The following LIPA variants were observed in gnomAD, a reference collection of about 807,000 sequenced individuals.
LIPA encodes lipase A, lysosomal acid type, also known as lysosomal acid lipase/cholesteryl ester hydrolase.
A neutral mutation model predicts 40.6 loss-of-function variants in LIPA; 26 were observed. That is an observed-to-expected ratio of 0.64 (90% CI 0.47 to 0.89). The LOEUF (loss-of-function observed/expected upper bound fraction) is 0.89, where lower values mean the gene tolerates loss of function less well. Ranked by LOEUF, LIPA falls within the 40% of genes least tolerant of loss-of-function variation. The pLI is 0.00. For missense variants in LIPA, 455 were observed against 479.6 expected (o/e 0.95, Z 0.48); for synonymous variants, 188 against 168.4 (o/e 1.12, Z -0.90).
At chr10:89,227,675 G>C (rs1463821590) in intron 4 of LIPA, among the ~76,000 whole-genome samples, 1 of 152,204 alleles carries the variant, frequency 6.6e-6, no homozygotes, top group Non-Finnish European at 1.5e-5. Context: ...CAAGGTGCCA[G>C]GTTCTGTGGA....
chr10:89,312,002 C>T (rs578133662), intron 1 of LIPA, among the ~76,000 whole-genome samples: 1 of 152,336 alleles, frequency 6.6e-6, no homozygotes, highest in South Asian at 2.1e-4. Flanking sequence ...CCCACCATCT[C>T]TCTCTTCCTT....
chr10:89,281,243 T>C (rs1843312818), intron 1 of LIPA, among the ~76,000 whole-genome samples: 1 of 152,194 alleles, frequency 6.6e-6, no homozygotes, highest in Non-Finnish European at 1.5e-5. Context: ...AGAATCCTGC[T>C]GAGCCACTTT....
At chr10:89,352,788 T>TAAAAAAAAAA (rs34514402) in intron 2 of LIPA, among the ~76,000 whole-genome samples, 1 of 113,132 alleles carries the variant, frequency 8.8e-6, no homozygotes, top group Non-Finnish European at 1.9e-5. Flanking sequence ...ACTACAAAGA[T>TAAAAAAAAAA]AAAAAAAAAA....
At chr10:89,329,093 T>C (rs1210690045) in intron 1 of LIPA, among the ~76,000 whole-genome samples, 1 of 152,124 alleles carries the variant, frequency 6.6e-6, no homozygotes, top group Non-Finnish European at 1.5e-5. Context: ...GAGAAAAGGA[T>C]GCCTTTCCCA....
Position 89,307,009 on chromosome 10 carries a change from A to G in LIPA, c.-2+35602T>C, listed in dbSNP as rs1344669587. The G allele has an allele frequency of 5.0e-6, 8 of 1,613,914 alleles. No homozygotes were observed. In the African/African-American group the frequency reaches 1.1e-4, roughly 22 times the overall value. ...TCCATGCTCTAGCAGATCAGTATGAAGACGCAGAGTATTACTTCCAAAAGG... is the reference window on the plus strand; with the variant it reads ...TCCATGCTCTAGCAGATCAGTATGAGGACGCAGAGTATTACTTCCAAAAGG... On this transcript the variant is annotated intron_variant, in intron 1 of 5. Transcript: ENST00000282673.
At chr10:89,292,902 G>C (rs1843384211) in intron 1 of LIPA, among the ~76,000 whole-genome samples, 1 of 151,546 alleles carries the variant, frequency 6.6e-6, no homozygotes, top group Admixed American at 6.6e-5. Context: ...TCCTGCCTCT[G>C]CCCCTCAAAG....
chr10:89,221,393 C>G lies in LIPA; in HGVS notation c.894+1118G>C, dbSNP rs576940393. On this transcript the variant is annotated intron_variant, in intron 8 of 9. Transcript: ENST00000336233. ...AAACGAAAAAATAAAAGTACAGATT[C>G]TCTAGTCCAAATGATTGGGACACAG... Among the ~76,000 whole-genome samples, 59 of 152,138 alleles carry G rather than the reference C, an allele frequency of 3.9e-4. 1 individual carries two copies. The South Asian group carries it at 6.9e-3, about 18-fold the overall frequency.
At chr10:89,306,013 T>C in intron 1 of LIPA, 1 of 1,614,040 alleles carries the variant, frequency 6.2e-7, no homozygotes, top group Non-Finnish European at 8.5e-7. Context: ...TAAAATGCCA[T>C]TTCACCTGGA....
intron 1 of LIPA, among the ~76,000 whole-genome samples, chr10:89,286,383 C>T (rs956241516): frequency 3.3e-5 from 5 of 152,110 alleles, no homozygotes; most frequent in Non-Finnish European, 4.4e-5. Context: ...CCTTAGCCTC[C>T]GCTCCCCCAC....
At chr10:89,293,478 T>C (rs954020783) in intron 1 of LIPA, 2 of 152,232 alleles carry the variant, frequency 1.3e-5, no homozygotes, top group African/African-American at 4.8e-5. Context: ...TCCCATATTG[T>C]CTAATTTATT....
intron 1 of LIPA, among the ~76,000 whole-genome samples, chr10:89,290,896 A>C (rs2133507428): frequency 6.6e-6 from 1 of 152,376 alleles, no homozygotes; most frequent in East Asian, 1.9e-4. Flanking sequence ...GAAAAGAGTG[A>C]AACTATATAA....
In LIPA at chr10:89,247,653, T is replaced by C; in HGVS notation, c.-1-4A>G. On this transcript the variant is annotated splice_region_variant and splice_polypyrimidine_tract_variant and intron_variant, in intron 1 of 9. Transcript: ENST00000336233. ...CCCCAAGAACCGCATTTTCATTCTGTATAATAAAACAGTCTATTATTATTT... is the reference window on the plus strand; with the variant it reads ...CCCCAAGAACCGCATTTTCATTCTGCATAATAAAACAGTCTATTATTATTT... The C allele has an allele frequency of 6.3e-7, 1 of 1,582,762 alleles. No individual in the cohort carries two copies. Among genetic ancestry groups the C allele is most frequent in the Non-Finnish European group, 8.7e-7 (1 of 1,151,586 alleles).
At position 89,223,734 on chromosome 10, in the gene LIPA, C is replaced by T. The variant is rs747753489; in HGVS notation, c.772G>A (p.Gly258Arg). The T allele has an allele frequency of 6.2e-7, 1 of 1,613,532 alleles. No individual in the cohort carries two copies. Among genetic ancestry groups the T allele is most frequent in the Non-Finnish European group, 8.5e-7 (1 of 1,179,552 alleles). The change falls in exon 7 of 10, where the codon GGA becomes AGA. Residue 258 changes from glycine to arginine, a missense_variant. Transcript: ENST00000336233. ...CTHVILKELC[G>R]NLCFLLCGFN... Reference sequence around the variant, plus strand: ...CCACACAGAAGAAAACAGAGATTTCCACAGAGCTCCTTCAGTATGACATGA... The same window carrying T: ...CCACACAGAAGAAAACAGAGATTTCTACAGAGCTCCTTCAGTATGACATGA...
At chr10:89,346,631 A>G (rs535041536), upstream of LIPA, among the ~76,000 whole-genome samples, 2 of 152,324 alleles carry the variant, frequency 1.3e-5, no homozygotes, top group East Asian at 3.9e-4. Context: ...TCTTGATTAT[A>G]AAGGGAAAGA....
At chr10:89,327,554 AAAAAAC>A (rs1269345828) in intron 1 of LIPA, among the ~76,000 whole-genome samples, 2 of 152,088 alleles carry the variant, frequency 1.3e-5, no homozygotes, top group African/African-American at 4.8e-5. Flanking sequence ...CTGTCTCAAA[AAAAAAC>A]AAAAACAAAA....
intron 2 of LIPA, among the ~76,000 whole-genome samples, chr10:89,377,545 G>T (rs1844130835): frequency 6.6e-6 from 1 of 152,190 alleles, no homozygotes; most frequent in Non-Finnish European, 1.5e-5. Context: ...AAATTGAGGA[G>T]TTGTTTTGCC....
chr10:89,356,346 C>T (rs1843988409), intron 2 of LIPA, among the ~76,000 whole-genome samples: 1 of 152,166 alleles, frequency 6.6e-6, no homozygotes, highest in South Asian at 2.1e-4. Flanking sequence ...TGTCCCCAAT[C>T]CCTGGGCTAC....
Position 89,350,147 on chromosome 10 carries a change from A to G in LIPA, c.61+62644T>C, listed in dbSNP as rs534532461. 2.0e-5 allele frequency among the ~76,000 whole-genome samples: 3 copies of G among 152,224 alleles called. No homozygotes were observed. The East Asian group carries it at 5.8e-4, about 29-fold the overall frequency. On this transcript the variant is annotated intron_variant, in intron 2 of 8. Coordinates refer to the LIPA transcript ENST00000371837. ...TATTGTTATTTTGTTAAGATGCTCA[A>G]TAAGTCTGAAGTTCTAGCCACTTCT...
intron 1 of LIPA, among the ~76,000 whole-genome samples, chr10:89,276,855 G>A (rs1843291785): frequency 6.6e-6 from 1 of 152,128 alleles, no homozygotes; most frequent in Non-Finnish European, 1.5e-5. Context: ...CCATTTGATA[G>A]ATGAGGAAAC....
Sources: gnomAD v4.1 joint callset for allele counts (sites outside exome capture counted in the v4.1 genomes callset) on GRCh38, gnomAD v4.1.1 for gene constraint, MANE v1.5 for transcripts, NCBI Gene and HGNC (gene_info 2026-07-23, HGNC 2026-07-21) for gene names.